Variants in NFKB1 observed in about 807,000 individuals in gnomAD.
The protein encoded by NFKB1 is nuclear factor kappa B subunit 1.
A neutral mutation model predicts 105.1 loss-of-function variants in NFKB1; 9 were observed. The observed-to-expected ratio is 0.09, with a 90% confidence interval of 0.05 to 0.15. The LOEUF (loss-of-function observed/expected upper bound fraction) is 0.15. Among genes scored for constraint, NFKB1 ranks in the 10% least tolerant of loss-of-function variants. The pLI, the probability that NFKB1 is intolerant of heterozygous loss-of-function variation, is 1.00. For synonymous variants in NFKB1, 440 were observed against 442.2 expected, an observed-to-expected ratio of 1.00 and a Z score of 0.06; for missense variants, 830 against 1,203.7, an observed-to-expected ratio of 0.69 and a Z score of 4.59.
At chr4:102,601,126 A>C (rs550521709) in intron 16 of NFKB1, 117 bp downstream of exon 16, 12 of 639,654 alleles carry the variant, frequency 1.9e-5, no homozygotes, top group Non-Finnish European at 3.0e-5. Context: ...ACAAAAACAA[A>C]CCTTTGTAGG....
At chr4:102,589,696 C>T (rs928150216) in intron 11 of NFKB1, among the ~76,000 whole-genome samples, 2 of 151,860 alleles carry the variant, frequency 1.3e-5, no homozygotes, top group African/African-American at 2.4e-5. Flanking sequence ...ACAAAACTGA[C>T]ATTGAAGAAT....
intron 6 of NFKB1, among the ~76,000 whole-genome samples, chr4:102,570,248 T>A (rs1018936170): frequency 3.3e-5 from 5 of 152,128 alleles, no homozygotes; most frequent in East Asian, 3.8e-4. Context: ...GTGTCTGTTG[T>A]TCCCCTTTTT....
At chr4:102,607,005 G>C in intron 17 of NFKB1, 145 bp from the exon 18 acceptor site, 1 of 838,614 alleles carries the variant, frequency 1.2e-6, no homozygotes, top group South Asian at 1.4e-5. Flanking sequence ...AGGAGACTGT[G>C]GGTCTTCAAA....
At chr4:102,575,783 T>C (rs958137672) in intron 6 of NFKB1, among the ~76,000 whole-genome samples, 1 of 152,244 alleles carries the variant, frequency 6.6e-6, no homozygotes, top group South Asian at 2.1e-4. Context: ...CATTCCTACC[T>C]TATTTTTCTG....
chr4:102,613,969 GACT>G (rs1728688150), intron 23 of NFKB1, among the ~76,000 whole-genome samples: 1 of 152,060 alleles, frequency 6.6e-6, no homozygotes. Context: ...CCATATATGG[GACT>G]ACGTGTCATG....
At chr4:102,585,811 T>G (rs1043880013) in intron 11 of NFKB1, among the ~76,000 whole-genome samples, 2 of 152,062 alleles carry the variant, frequency 1.3e-5, no homozygotes, top group African/African-American at 4.8e-5. Context: ...AGCAGTTGGG[T>G]GTTAAACAGA....
At chr4:102,573,754 A>G (rs1457737600) in intron 6 of NFKB1, among the ~76,000 whole-genome samples, 2 of 151,892 alleles carry the variant, frequency 1.3e-5, no homozygotes, top group South Asian at 2.1e-4. Context: ...TTCATTTTGG[A>G]AAGTTTTATT....
At chr4:102,578,453 T>C (rs538460587) in intron 7 of NFKB1, 11 of 187,648 alleles carry the variant, frequency 5.9e-5, no homozygotes, top group Admixed American at 1.8e-4. Context: ...GGCTGTCTGC[T>C]TGGCACTGTG....
intron 1 of NFKB1, chr4:102,503,601 G>C (rs1246651886): frequency 6.6e-6 from 1 of 152,056 alleles, no homozygotes; most frequent in Non-Finnish European, 1.5e-5. Flanking sequence ...GTAAATGCCC[G>C]TGTTTTTCAA....
chr4:102,503,272 G>T (rs1373063742), intron 1 of NFKB1: 1 of 151,920 alleles, frequency 6.6e-6, no homozygotes, highest in Non-Finnish European at 1.5e-5. Context: ...GATTAATGGA[G>T]ACTTGGAATC....
At chr4:102,604,793 C>A (rs575990672) in intron 16 of NFKB1, among the ~76,000 whole-genome samples, 1 of 152,022 alleles carries the variant, frequency 6.6e-6, no homozygotes, top group Admixed American at 6.6e-5. Context: ...CACCCAGATA[C>A]ATCTGCAAGA....
intron 6 of NFKB1, among the ~76,000 whole-genome samples, chr4:102,576,271 C>T (rs1214519733): frequency 6.6e-6 from 1 of 151,986 alleles, no homozygotes; most frequent in Non-Finnish European, 1.5e-5. Flanking sequence ...ACTTTAAATC[C>T]CATTCAGAAA....
chr4:102,590,802 C>T (rs927947861), intron 11 of NFKB1, among the ~76,000 whole-genome samples: 4 of 152,186 alleles, frequency 2.6e-5, no homozygotes, highest in African/African-American at 7.2e-5. Flanking sequence ...AGTCACACCT[C>T]TCACTTGAAA....
chr4:102,612,737 G>A (rs1013755504), intron 22 of NFKB1, 131 bp downstream of exon 22: 10 of 860,802 alleles, frequency 1.2e-5, no homozygotes, highest in Non-Finnish European at 1.4e-5. Flanking sequence ...CAAGGCCTGG[G>A]AGGGTGACCC....
At chr4:102,534,155 T>TAAGTTAAGTTA (rs1741482521) in intron 4 of NFKB1, among the ~76,000 whole-genome samples, 1 of 152,200 alleles carries the variant, frequency 6.6e-6, no homozygotes, top group African/African-American at 2.4e-5. Flanking sequence ...CTGCTGTCTC[T>TAAGTTAAGTTA]ACCAGCTTAA....
chr4:102,594,848 A>G, intron 12 of NFKB1, 44 bp from the exon 13 acceptor site: 1 of 1,425,150 alleles, frequency 7.0e-7, no homozygotes, highest in Non-Finnish European at 9.9e-7. Context: ...GAGTCTTTGT[A>G]AAATATCTTC....
At chr4:102,519,889 A>G (rs1740453440) in intron 1 of NFKB1, among the ~76,000 whole-genome samples, 2 of 152,188 alleles carry the variant, frequency 1.3e-5, no homozygotes. Flanking sequence ...AGTTCTAGCT[A>G]CAGTTCTTTA....
intron 7 of NFKB1, chr4:102,578,658 T>A: frequency 1.2e-5 from 6 of 486,764 alleles, no homozygotes; most frequent in South Asian, 8.2e-5. Context: ...CGGAAGAGAG[T>A]TTTTACTGTA....
intron 5 of NFKB1, 110 bp downstream of exon 5, chr4:102,538,066 A>C (rs1428908231): frequency 3.2e-6 from 2 of 620,852 alleles, no homozygotes; most frequent in African/African-American, 3.7e-5. Context: ...CCTAAGCTGA[A>C]GTGTTCACAT....
Sources: allele counts gnomAD v4.1 joint callset (sites outside exome capture counted in the v4.1 genomes callset), GRCh38; gene constraint gnomAD v4.1.1; transcripts MANE v1.5; gene names NCBI Gene and HGNC (gene_info 2026-07-23, HGNC 2026-07-21).